GALNT13: variants seen among roughly 807,000 people sequenced by gnomAD.
GALNT13 encodes polypeptide N-acetylgalactosaminyltransferase 13, also known as UDP-GalNAc:polypeptide N-acetylgalactosaminyltransferase 13.
A neutral mutation model predicts 64.2 loss-of-function variants in GALNT13; 28 were observed. That is an observed-to-expected ratio of 0.44 (90% CI 0.32 to 0.60). GALNT13 has a LOEUF of 0.60. GALNT13 is among the 20% of genes least tolerant of loss of function. The pLI is 0.05. For synonymous variants in GALNT13, 214 were observed against 224.6 expected, an observed-to-expected ratio of 0.95 and a Z score of 0.42; for missense variants, 577 against 669.8, an observed-to-expected ratio of 0.86 and a Z score of 1.53.
chr2:153,633,230 A>G, the GALNT13 span, among the ~76,000 whole-genome samples: 1 of 152,192 alleles, frequency 6.6e-6, no homozygotes, highest in Non-Finnish European at 1.5e-5. Flanking sequence ...AATAGAAAAT[A>G]TAATCTATGT....
the GALNT13 span, among the ~76,000 whole-genome samples, chr2:153,626,721 T>A: frequency 6.6e-6 from 1 of 151,842 alleles, no homozygotes; most frequent in African/African-American, 2.4e-5. Context: ...AGTTTCAGCA[T>A]GCACCCAGTT....
the GALNT13 span, among the ~76,000 whole-genome samples, chr2:153,638,648 A>G: frequency 1.3e-5 from 2 of 151,956 alleles, 1 homozygote; most frequent in African/African-American, 4.8e-5. Flanking sequence ...AACAAGAGCC[A>G]AGGAAAAGTA....
At chr2:153,793,700 A>G in the GALNT13 span, among the ~76,000 whole-genome samples, 1 of 151,858 alleles carries the variant, frequency 6.6e-6, no homozygotes, top group East Asian at 1.9e-4. Context: ...ATTACATGTT[A>G]TGTATCAAAG....
the GALNT13 span, among the ~76,000 whole-genome samples, chr2:153,573,561 A>C: frequency 1.4e-5 from 2 of 146,978 alleles, no homozygotes; most frequent in East Asian, 4.2e-4. Context: ...TTCTCTGGTG[A>C]TATGATTTAA....
At chr2:153,251,579 C>T in the GALNT13 span, among the ~76,000 whole-genome samples, 6 of 151,582 alleles carry the variant, frequency 4.0e-5, no homozygotes, top group Admixed American at 3.3e-4. Context: ...ACTGACTCGT[C>T]ATCTCGCATT....
chr2:154,222,714 A>T (rs535958691), intron 4 of GALNT13, among the ~76,000 whole-genome samples: 1 of 152,158 alleles, frequency 6.6e-6, no homozygotes, highest in African/African-American at 2.4e-5. Context: ...CTTTTGTCAC[A>T]TTATTTTCCC....
At chr2:154,195,280 C>T (rs540972632) in intron 4 of GALNT13, among the ~76,000 whole-genome samples, 5 of 152,258 alleles carry the variant, frequency 3.3e-5, no homozygotes, top group South Asian at 2.1e-4. Context: ...GGCCACTACT[C>T]TACCTTCATT....
At chr2:153,729,213 A>T in the GALNT13 span, among the ~76,000 whole-genome samples, 1 of 152,104 alleles carries the variant, frequency 6.6e-6, no homozygotes, top group Non-Finnish European at 1.5e-5. Context: ...TCTTATGTAG[A>T]GTATCTTTAA....
At chr2:154,426,421 C>T (rs1480420236) in intron 11 of GALNT13, among the ~76,000 whole-genome samples, 1 of 152,150 alleles carries the variant, frequency 6.6e-6, no homozygotes, top group Non-Finnish European at 1.5e-5. Flanking sequence ...TGGTCACAGT[C>T]TGTCTTGCAC....
chr2:153,282,093 T>A, the GALNT13 span, among the ~76,000 whole-genome samples: 1 of 152,114 alleles, frequency 6.6e-6, no homozygotes, highest in Non-Finnish European at 1.5e-5. Context: ...AATAGTTTCT[T>A]CATTCTTTGA....
Position 154,396,100 on chromosome 2 carries a change from G to T in GALNT13, c.1266G>T (p.Gln422His). 6.2e-7 allele frequency: 1 copy of T among 1,607,720 alleles called. No individual in the cohort carries two copies. Among genetic ancestry groups the T allele is most frequent in the South Asian group, 1.1e-5 (1 of 90,176 alleles). Reference protein sequence around the residue: ...WYLENIYPDSQIPRRYYSLGE... With the variant: ...WYLENIYPDSHIPRRYYSLGE... ...TAGAAAACATCTATCCGGACTCCCA[G>T]ATCCCAAGACGTTATTACTCACTTG... Residue 422 changes from glutamine to histidine, a missense_variant, in exon 10 of 13, where the codon CAG becomes CAT. Physicochemically the swap from Gln to His is conservative, Grantham distance 24 (BLOSUM62 0). Around this residue, in one of 3 missense-constraint regions of GALNT13, gnomAD observed 232 missense variants for 270.6 expected, o/e 0.86. Transcript: ENST00000392825.
chr2:153,476,815 C>T, the GALNT13 span, among the ~76,000 whole-genome samples: 1 of 152,192 alleles, frequency 6.6e-6, no homozygotes. Context: ...ATTAACGTCA[C>T]TAACGTCACT....
chr2:154,088,794 A>T lies in GALNT13; in HGVS notation c.143-51543A>T, dbSNP rs118123386. ...TGAAACATCAGGAACATTTTGAAAA[A>T]CATTTTTGCATAAAGTATCAGGGCT... On this transcript the variant is annotated intron_variant, in intron 3 of 12. Transcript: ENST00000392825. 2.4e-3 allele frequency among the ~76,000 whole-genome samples: 367 copies of T among 152,252 alleles called. 9 individuals are homozygous for T. The East Asian group carries it at 0.055, about 23-fold the overall frequency.
At chr2:153,716,876 G>A in the GALNT13 span, among the ~76,000 whole-genome samples, 23 of 152,200 alleles carry the variant, frequency 1.5e-4, no homozygotes, top group East Asian at 2.1e-3. Flanking sequence ...TACTGCAAGC[G>A]TGAAACAGAA....
chr2:153,672,388 A>C, the GALNT13 span, among the ~76,000 whole-genome samples: 5,059 of 152,324 alleles, frequency 0.033, 109 homozygotes, highest in Non-Finnish European at 0.044. Flanking sequence ...AGAAATCAGC[A>C]TTAAGAAACT....
the GALNT13 span, among the ~76,000 whole-genome samples, chr2:153,516,617 G>A: frequency 6.6e-6 from 1 of 151,864 alleles, no homozygotes; most frequent in Non-Finnish European, 1.5e-5. Context: ...GAGGATGGGA[G>A]GATAGAGAAT....
chr2:153,257,033 G>A, the GALNT13 span, among the ~76,000 whole-genome samples: 6 of 152,210 alleles, frequency 3.9e-5, no homozygotes, highest in Admixed American at 2.0e-4. Context: ...GGGCAATGGC[G>A]GGCGCCCCTC....
At chr2:153,162,939 A>C in the GALNT13 span, among the ~76,000 whole-genome samples, 5 of 152,202 alleles carry the variant, frequency 3.3e-5, no homozygotes, top group African/African-American at 1.2e-4. Context: ...TACAGCTGAG[A>C]GAGGCTGGGG....
chr2:153,679,721 T>C, the GALNT13 span, among the ~76,000 whole-genome samples: 1 of 151,920 alleles, frequency 6.6e-6, no homozygotes, highest in African/African-American at 2.4e-5. Flanking sequence ...ATCACGCTTT[T>C]ACCAGTAATT....
Sources: allele counts gnomAD v4.1 joint callset (sites outside exome capture counted in the v4.1 genomes callset), GRCh38; gene constraint gnomAD v4.1.1; regional missense constraint gnomAD v4.1.1; transcripts MANE v1.5; gene names NCBI Gene and HGNC (gene_info 2026-07-23, HGNC 2026-07-21).